ODAD3: variants seen among roughly 807,000 people sequenced by gnomAD.
ODAD3 encodes the protein outer dynein arm-docking complex subunit 3.
In ODAD3, 57 loss-of-function variants were observed where a neutral mutation model predicts 70.9. The observed-to-expected ratio is 0.80, with a 90% CI of 0.65 to 1.00. The LOEUF is 1.00. Among genes scored for constraint, ODAD3 ranks in the 50% least tolerant of loss-of-function variants. The probability of loss-of-function intolerance (pLI) is 0.00; values close to 1 mark genes in which losing one functional copy is unlikely to be tolerated. For missense variants in ODAD3, 797 were observed against 763.9 expected, an observed-to-expected ratio of 1.04 and a Z score of -0.51; for synonymous variants, 327 against 315.9, an observed-to-expected ratio of 1.04 and a Z score of -0.37.
intron 3 of ODAD3, among the ~76,000 whole-genome samples, chr19:11,428,054 C>T (rs1274589587): frequency 2.0e-5 from 3 of 147,022 alleles, no homozygotes; most frequent in East Asian, 2.3e-4. Flanking sequence ...GAGCCAAGAT[C>T]GTGCCACTGC....
intron 7 of ODAD3, among the ~76,000 whole-genome samples, chr19:11,424,460 C>G (rs1228976248): frequency 6.7e-6 from 1 of 150,236 alleles, no homozygotes; most frequent in East Asian, 1.9e-4. Context: ...TATAATTAGT[C>G]TGAGCGACAG....
chr19:11,430,593 A>G (rs761691718), intron 3 of ODAD3, 106 bp downstream of exon 3: 131 of 1,004,972 alleles, frequency 1.3e-4, no homozygotes, highest in Non-Finnish European at 1.7e-4. Context: ...GAGCACATGA[A>G]TGGCAGCTAG....
chr19:11,430,652 G>A (rs935592586), intron 3 of ODAD3, 47 bp downstream of exon 3: 2 of 1,581,792 alleles, frequency 1.3e-6, no homozygotes, highest in Non-Finnish European at 1.7e-6. Context: ...GTGGTGAGGG[G>A]ACCCAGGCTG....
intron 10 of ODAD3, 96 bp from the exon 11 acceptor site, chr19:11,421,928 G>C: frequency 4.3e-6 from 6 of 1,403,738 alleles, no homozygotes; most frequent in Non-Finnish European, 5.8e-6. Flanking sequence ...GCGGGGCCTA[G>C]GAGGTAAGGG....
In ODAD3 at chr19:11,426,965, G is replaced by A. The variant is rs755517768; in HGVS notation, c.520C>T (p.Arg174Trp). The change falls in exon 4 of 13, where the codon CGG becomes TGG. Residue 174 changes from arginine (R) to tryptophan (W), a missense_variant. Physicochemically the swap from Arg to Trp is moderately radical, Grantham distance 101 (BLOSUM62 -3). Transcript: ENST00000356392. The stretch of plus-strand genomic sequence containing the variant: ...TGGAGCTCCTCCAGCCGCCTCTGCC[G>A]CAACACCACCTGGTGCCGCAGGGCG... Reference protein sequence around the residue: ...QNALRHQVVLRQRRLEELQLQ... With the variant: ...QNALRHQVVLWQRRLEELQLQ... 3.1e-6 allele frequency: 5 copies of A among 1,608,284 alleles called. No individual in the cohort carries two copies. Among genetic ancestry groups the A allele is most frequent in the Non-Finnish European group, 3.4e-6 (4 of 1,179,646 alleles).
intron 1 of ODAD3, among the ~76,000 whole-genome samples, chr19:11,431,942 CAAAAAA>C (rs71164201): frequency 1.6e-5 from 1 of 64,072 alleles, no homozygotes; most frequent in Non-Finnish European, 3.0e-5. Context: ...GACTCTGCCT[CAAAAAA>C]AAAAAAAAAA....
At chr19:11,432,714 A>G (rs763404734) in intron 1 of ODAD3, among the ~76,000 whole-genome samples, 9 of 152,164 alleles carry the variant, frequency 5.9e-5, no homozygotes, top group Non-Finnish European at 1.2e-4. Flanking sequence ...TGGCATACGC[A>G]TATCATACCC....
At chr19:11,435,639 C>G (rs1357705689), upstream of ODAD3, 2 of 1,257,928 alleles carry the variant, frequency 1.6e-6, no homozygotes, top group African/African-American at 1.5e-5. Flanking sequence ...CGCTTTCTTT[C>G]TGCAGCAGGA....
chr19:11,425,853 A>G (rs1043573614), intron 7 of ODAD3, among the ~76,000 whole-genome samples: 3 of 151,126 alleles, frequency 2.0e-5, no homozygotes, highest in Non-Finnish European at 2.9e-5. Context: ...GATTCAGGAC[A>G]GGCAGTCTAG....
chr19:11,420,761 C>G lies in ODAD3; in HGVS notation c.*74G>C, dbSNP rs1187150848. ...GGCCGCGTTCAGCCCCTGAAGGGGC[C>G]CCGTGGGGCCTGCGCTAGACCCGGA... On this transcript the variant is annotated 3_prime_UTR_variant, in exon 13 of 13. Coordinates refer to ENST00000356392, the MANE Select transcript of ODAD3 (RefSeq NM_145045.5). The G allele has an allele frequency of 3.6e-6, 5 of 1,382,610 alleles. No homozygotes were observed. In the African/African-American group the frequency reaches 7.1e-5, roughly 20 times the overall value. 85.6% of individuals were successfully genotyped at this position (1,382,610 alleles called of 1,614,324 possible).
At chr19:11,424,102 T>G in intron 7 of ODAD3, 73 bp from the exon 8 acceptor site, 34 of 1,487,210 alleles carry the variant, frequency 2.3e-5, no homozygotes, top group Non-Finnish European at 3.0e-5. Flanking sequence ...GGGAGGGGGA[T>G]CCAGATAGGG....
intron 11 of ODAD3, among the ~76,000 whole-genome samples, chr19:11,421,419 CT>C (rs1260243573): frequency 9.2e-5 from 14 of 152,160 alleles, no homozygotes; most frequent in Admixed American, 9.2e-4. Flanking sequence ...CTCTGGGGCC[CT>C]GCCACTAGGC....
At chr19:11,428,668 C>T (rs539153931) in intron 3 of ODAD3, among the ~76,000 whole-genome samples, 1 of 152,256 alleles carries the variant, frequency 6.6e-6, no homozygotes, top group Non-Finnish European at 1.5e-5. Flanking sequence ...CCCACCTCAG[C>T]CTGGCAAGTA....
At position 11,424,511 on chromosome 19, in the gene ODAD3, A is replaced by G. The variant is rs959512837; in HGVS notation, c.964-482T>C. On this transcript the variant is annotated intron_variant, in intron 7 of 12. Transcript: ENST00000356392. ...AAAAAATCCATATATATATGTATAT[A>G]TGTATATATATGTATATATGTATAT... is the stretch of plus-strand genomic sequence containing the variant. 3.6e-5 allele frequency among the ~76,000 whole-genome samples: 5 copies of G among 140,258 alleles called. 1 individual carries two copies. The highest frequency in any genetic ancestry group is 1.5e-4 in the African/African-American group (5 of 33,718). 92.0% of individuals were successfully genotyped at this position (140,258 alleles called of 152,430 possible).
chr19:11,424,368 G>A (rs542004295), intron 7 of ODAD3, among the ~76,000 whole-genome samples: 16 of 151,948 alleles, frequency 1.1e-4, no homozygotes, highest in South Asian at 6.2e-4. Context: ...GCAGGGCGTG[G>A]TGGGGCGCCT....
chr19:11,427,017 C>G lies in ODAD3; in HGVS notation c.468G>C (p.Arg156=). 2 of 1,597,048 alleles carry G rather than the reference C, an allele frequency of 1.3e-6. No homozygotes were observed. Among genetic ancestry groups the G allele is most frequent in the South Asian group, 2.2e-5 (2 of 90,448 alleles). Residue 156 remains arginine (R), a synonymous_variant, in exon 4 of 13, where the codon CGG becomes CGC. Transcript: ENST00000356392. ...TGQALEHLDH[R]LREKVKQQNA... is the part of the protein sequence containing the mutation. Reference sequence around the variant, plus strand: ...TCTGCTGCTTCACCTTCTCCCTCAGCCGGTGGTCTAGGTGCTCCAGGGCCT... The same window carrying G: ...TCTGCTGCTTCACCTTCTCCCTCAGGCGGTGGTCTAGGTGCTCCAGGGCCT...
At position 11,422,762 on chromosome 19, in the gene ODAD3, TCTC is replaced by T. The variant is rs765121016; in HGVS notation, c.1213_1215del (p.Glu405del). The T allele has an allele frequency of 3.3e-5, 54 of 1,612,140 alleles. No individual in the cohort carries two copies. The highest frequency in any genetic ancestry group is 5.0e-5 in the Admixed American group (3 of 60,002). On this transcript the variant is annotated inframe_deletion, in exon 9 of 13. Coordinates refer to ENST00000356392, the MANE Select transcript of ODAD3 (RefSeq NM_145045.5). This position sits in a 1 kb window ranked among gnomAD's most constrained non-coding sequence, Gnocchi z 4.6. ...TCCAGCTCCCGCTGCAGTTGTTGCT[TCTC>T]CTGCTTCAGCCTCACCAACGTCTGC...
At chr19:11,426,061 C>A (rs982968791) in intron 7 of ODAD3, 83 bp downstream of exon 7, 1 of 1,521,596 alleles carries the variant, frequency 6.6e-7, no homozygotes, top group Non-Finnish European at 8.8e-7. Context: ...GGGAGAAGGC[C>A]TAGGATGAGG....
Position 11,427,038 on chromosome 19 carries a change from G to A in ODAD3, c.447C>T (p.Ala149=). 6.3e-7 allele frequency: 1 copy of A among 1,580,008 alleles called. No individual in the cohort carries two copies. The highest frequency in any genetic ancestry group is 1.1e-5 in the South Asian group (1 of 89,206). ...TCAGCCGGTGGTCTAGGTGCTCCAG[G>A]GCCTGCCGCAAGGAGGGGAGCGAAA... ...KPYLKNRTGQ[A]LEHLDHRLRE... Residue 149 remains alanine (A), a splice_region_variant and synonymous_variant, in exon 4 of 13, where the codon GCC becomes GCT. Coordinates refer to ENST00000356392, the MANE Select transcript of ODAD3 (RefSeq NM_145045.5).
Sources: allele counts gnomAD v4.1 joint callset (sites outside exome capture counted in the v4.1 genomes callset), GRCh38; gene constraint gnomAD v4.1.1; non-coding constraint Gnocchi (gnomAD v3.1); transcripts MANE v1.5; gene names NCBI Gene and HGNC (gene_info 2026-07-23, HGNC 2026-07-21).